Variants in TMEM164 observed in about 807,000 individuals in gnomAD.
TMEM164 encodes transmembrane protein 164, also known as RP13-360B22.2.
A neutral mutation model predicts 18.8 loss-of-function variants in TMEM164; 4 were observed. The observed-to-expected ratio is 0.21, with a 90% CI of 0.10 to 0.49. The LOEUF is 0.49. Ranked by LOEUF, TMEM164 falls within the 20% of genes least tolerant of loss-of-function variation. TMEM164 has a pLI of 0.98. For missense variants in TMEM164, 108 were observed against 239.9 expected (o/e 0.45, Z 3.63); for synonymous variants, 86 against 101.7 (o/e 0.85, Z 0.93).
intron 5 of TMEM164, among the ~76,000 whole-genome samples, chrX:110,170,627 C>T (rs2067217840): frequency 9.0e-6 from 1 of 111,522 alleles, no homozygotes; most frequent in African/African-American, 3.3e-5. Flanking sequence ...TGGAATATAT[C>T]CAGGCCTACT....
At chrX:110,043,940 C>T (rs1003630521) in intron 2 of TMEM164, among the ~76,000 whole-genome samples, 4 of 112,027 alleles carry the variant, frequency 3.6e-5, no homozygotes, top group African/African-American at 1.3e-4. Flanking sequence ...AACAGCTTTG[C>T]TTCATTCATT....
chrX:110,109,205 C>A, intron 4 of TMEM164, 59 bp downstream of exon 4: 1 of 1,073,241 alleles, frequency 9.3e-7, no homozygotes, highest in Non-Finnish European at 1.3e-6. Flanking sequence ...TGCCTATATG[C>A]CCATGTGATT....
chrX:110,176,315 T>C lies in TMEM164; in HGVS notation c.*2864T>C, dbSNP rs2067289086. ...TGCTTCTGGTCCTCCCTGCCCTCAG[T>C]ATTTGGTTTTGTACACCAAAGATGA... is the stretch of plus-strand genomic sequence containing the variant. On this transcript the variant is annotated 3_prime_UTR_variant, in exon 7 of 7. Transcript: ENST00000372068. 1.3e-6 allele frequency: 1 copy of C among 756,162 alleles called. No homozygotes were observed. Among genetic ancestry groups the C allele is most frequent in the East Asian group, 1.5e-4 (1 of 6,626 alleles). 62.3% of individuals were successfully genotyped at this position (756,162 alleles called of 1,213,427 possible).
intron 2 of TMEM164, among the ~76,000 whole-genome samples, chrX:110,028,918 C>T (rs1934325324): frequency 9.0e-6 from 1 of 111,725 alleles, no homozygotes; most frequent in Admixed American, 9.5e-5. Context: ...TTAACCTTTA[C>T]TTTATATATT....
At chrX:110,154,154 C>T (rs768740541) in intron 5 of TMEM164, among the ~76,000 whole-genome samples, 2 of 111,705 alleles carry the variant, frequency 1.8e-5, no homozygotes, top group South Asian at 3.7e-4. Context: ...ATGTAAATTA[C>T]ACTTATTTTC....
intron 3 of TMEM164, among the ~76,000 whole-genome samples, chrX:110,076,687 G>A (rs753768702): frequency 3.3e-4 from 37 of 111,452 alleles, no homozygotes; most frequent in Admixed American, 7.6e-4. Context: ...CATTAATGTC[G>A]AAGAATTTTT....
chrX:110,159,533 G>A (rs986933681), intron 5 of TMEM164, among the ~76,000 whole-genome samples: 10 of 110,366 alleles, frequency 9.1e-5, no homozygotes, highest in African/African-American at 3.0e-4. Flanking sequence ...GAGGCCACGA[G>A]GTTAGGGTAT....
At chrX:110,095,005 C>A (rs1414395106) in intron 3 of TMEM164, among the ~76,000 whole-genome samples, 1 of 111,847 alleles carries the variant, frequency 8.9e-6, no homozygotes, top group South Asian at 3.7e-4. Flanking sequence ...TGAATATTGG[C>A]CCCCATTCTC....
At chrX:110,118,393 C>T (rs1428330893) in intron 4 of TMEM164, among the ~76,000 whole-genome samples, 1 of 110,251 alleles carries the variant, frequency 9.1e-6, no homozygotes, top group Non-Finnish European at 1.9e-5. Context: ...AAAAATATTG[C>T]GGACCACTGA....
At chrX:110,051,835 G>A (rs942776480) in intron 2 of TMEM164, among the ~76,000 whole-genome samples, 4 of 111,433 alleles carry the variant, frequency 3.6e-5, no homozygotes, top group African/African-American at 1.3e-4. Flanking sequence ...GCAGAGTTAG[G>A]CACCATACTT....
At chrX:110,096,243 A>G (rs1002263153) in intron 3 of TMEM164, among the ~76,000 whole-genome samples, 1 of 112,716 alleles carries the variant, frequency 8.9e-6, no homozygotes, top group Non-Finnish European at 1.9e-5. Flanking sequence ...AGTCTGCAGA[A>G]GTTTCTGCTG....
intron 3 of TMEM164, among the ~76,000 whole-genome samples, chrX:110,070,443 A>G (rs558746758): frequency 5.3e-5 from 6 of 112,451 alleles, no homozygotes; most frequent in African/African-American, 1.6e-4. Flanking sequence ...TGCCTTAAGT[A>G]TATATTTCAG....
intron 2 of TMEM164, among the ~76,000 whole-genome samples, chrX:110,048,693 A>G (rs1329983102): frequency 9.0e-6 from 1 of 111,440 alleles, no homozygotes; most frequent in Non-Finnish European, 1.9e-5. Context: ...GGAATAACTT[A>G]CCCTGGGGGT....
intron 3 of TMEM164, among the ~76,000 whole-genome samples, chrX:110,099,840 G>T (rs1386988443): frequency 2.7e-5 from 3 of 112,122 alleles, no homozygotes; most frequent in Non-Finnish European, 3.8e-5. Context: ...CTTGGACAAG[G>T]TATGTCTTTC....
chrX:110,135,106 C>G (rs1391177541), intron 4 of TMEM164, among the ~76,000 whole-genome samples: 1 of 110,931 alleles, frequency 9.0e-6, no homozygotes, highest in East Asian at 2.8e-4. Flanking sequence ...TCAAGATCTT[C>G]CCTTTCCTAT....
chrX:110,016,803 C>T (rs1041219575), intron 2 of TMEM164, among the ~76,000 whole-genome samples: 4 of 110,263 alleles, frequency 3.6e-5, no homozygotes, highest in Non-Finnish European at 5.7e-5. Flanking sequence ...ACCACAGGCA[C>T]GCATCACCAC....
intron 5 of TMEM164, among the ~76,000 whole-genome samples, chrX:110,157,847 G>A (rs1486178435): frequency 9.0e-6 from 1 of 111,465 alleles, no homozygotes; most frequent in African/African-American, 3.3e-5. Flanking sequence ...CGATTTTAAG[G>A]TTAATTAATT....
At chrX:110,114,468 A>G (rs1428434871) in intron 4 of TMEM164, among the ~76,000 whole-genome samples, 1 of 112,057 alleles carries the variant, frequency 8.9e-6, no homozygotes, top group Non-Finnish European at 1.9e-5. Context: ...CATCCAATCC[A>G]GGATAAACCA....
rs765031945 is a variant in TMEM164 at position 110,173,449 on chromosome X, T to C, written c.892T>C (p.Ter298ArgextTer25). The part of the protein sequence containing the change: ...LLRLPAKKID[*>R] ...CCGGCTTCCAGCCAAGAAAATAGAC[T>C]GAAGGTGCTTATTTTTTTTTTTTTT... Residue 298 changes from the stop codon to arginine (R), a stop_lost, in exon 7 of 7, where the codon TGA (stop) becomes CGA (arginine). Transcript: ENST00000372068. 1 of 1,192,245 alleles carries C rather than the reference T, an allele frequency of 8.4e-7. No individual in the cohort carries two copies. Among genetic ancestry groups the C allele is most frequent in the Non-Finnish European group, 1.1e-6 (1 of 889,373 alleles).
Sources: allele counts gnomAD v4.1 joint callset (sites outside exome capture counted in the v4.1 genomes callset), GRCh38; gene constraint gnomAD v4.1.1; transcripts MANE v1.5; gene names NCBI Gene and HGNC (gene_info 2026-07-23, HGNC 2026-07-21).